OSBP2: variants seen among roughly 807,000 people sequenced by gnomAD.
OSBP2 encodes oxysterol binding protein 2.
Under a neutral mutation model 96.0 loss-of-function variants are expected in OSBP2, and 66 were observed. That is an observed-to-expected ratio of 0.69 (90% CI 0.56 to 0.84). The LOEUF (loss-of-function observed/expected upper bound fraction) is 0.84. OSBP2 is among the 40% of genes least tolerant of loss of function. The pLI, the probability that OSBP2 is intolerant of heterozygous loss-of-function variation, is 0.00. For missense variants in OSBP2, 1,038 were observed against 1,222.7 expected, an observed-to-expected ratio of 0.85 and a Z score of 2.25; for synonymous variants, 525 against 520.9, an observed-to-expected ratio of 1.01 and a Z score of -0.11.
At chr22:30,800,589 T>C (rs969255956) in intron 2 of OSBP2, among the ~76,000 whole-genome samples, 1 of 152,004 alleles carries the variant, frequency 6.6e-6, no homozygotes, top group Non-Finnish European at 1.5e-5. Flanking sequence ...TCAGCAGCAA[T>C]GGAAGTCACA....
intron 2 of OSBP2, among the ~76,000 whole-genome samples, chr22:30,826,174 G>A (rs1246810392): frequency 6.6e-6 from 1 of 152,260 alleles, no homozygotes; most frequent in South Asian, 2.1e-4. Context: ...ATTGATGGAG[G>A]ACACGGGGTC....
Position 30,906,258 on chromosome 22 carries a change from G to A in OSBP2, c.2670G>A (p.Gly890=), listed in dbSNP as rs1235649796. The change falls in exon 14 of 14, where the codon GGG becomes GGA. Residue 890 remains glycine (G), a synonymous_variant. Transcript: ENST00000332585. ...AGAAGAGGCTGGATCCGCTGACCGG[G>A]GAGATGGCCTGTGTGTACAAGGGCG... ...WFEKRLDPLT[G]EMACVYKGGY... is the part of the protein sequence containing the mutation. 1.2e-6 allele frequency: 2 copies of A among 1,614,186 alleles called. No homozygotes were observed. Among genetic ancestry groups the A allele is most frequent in the South Asian group, 1.1e-5 (1 of 91,090 alleles).
At position 30,695,309 on chromosome 22, in the gene OSBP2, G is replaced by T; in HGVS notation, c.400G>T (p.Ala134Ser). Residue 134 changes from alanine (A) to serine (S), a missense_variant, in exon 1 of 14, where the codon GCG becomes TCG. Ala to Ser is a moderately conservative substitution (Grantham distance 99). This residue lies in a region of OSBP2 where 281 missense variants were observed against 273.4 expected (regional missense o/e 1.03). Transcript: ENST00000332585. ...SEPLSRAVGS[A>S]TFLRPESGSL... ...GCCGCTCTCCCGGGCGGTGGGGAGCGCGACCTTTCTCAGACCCGAGTCAGG... is the reference window on the plus strand; with the variant it reads ...GCCGCTCTCCCGGGCGGTGGGGAGCTCGACCTTTCTCAGACCCGAGTCAGG... The T allele has an allele frequency of 1.2e-6, 2 of 1,613,434 alleles. No homozygotes were observed. Among genetic ancestry groups the T allele is most frequent in the South Asian group, 2.2e-5 (2 of 91,084 alleles).
chr22:30,761,106 G>A (rs2090199828), intron 2 of OSBP2, among the ~76,000 whole-genome samples: 1 of 152,070 alleles, frequency 6.6e-6, no homozygotes, highest in Admixed American at 6.6e-5. Context: ...CCTAATACTA[G>A]CCAGTATTAT....
intron 4 of OSBP2, 41 bp from the exon 5 acceptor site, chr22:30,888,182 T>C: frequency 7.3e-7 from 1 of 1,369,162 alleles, no homozygotes; most frequent in Admixed American, 1.7e-5. Context: ...AGATTGAGCC[T>C]TTTGTGAGGT....
chr22:30,808,953 CA>C (rs1033761542), intron 2 of OSBP2, among the ~76,000 whole-genome samples: 22 of 145,262 alleles, frequency 1.5e-4, no homozygotes, highest in South Asian at 4.3e-4. Flanking sequence ...GACTCCGTCT[CA>C]AAAAAAAAAA....
chr22:30,764,459 C>T (rs984769250), intron 2 of OSBP2: 13 of 933,804 alleles, frequency 1.4e-5, no homozygotes, highest in South Asian at 4.9e-5. Flanking sequence ...AAATAAATTC[C>T]CAGGGAGTGT....
intron 2 of OSBP2, among the ~76,000 whole-genome samples, chr22:30,767,545 CTTT>C (rs695843): frequency 7.5e-5 from 11 of 146,366 alleles, no homozygotes; most frequent in Admixed American, 2.7e-4. Context: ...ATCAGAATTC[CTTT>C]TTTTTTTTTT....
At chr22:30,709,832 C>T (rs934220942) in intron 1 of OSBP2, among the ~76,000 whole-genome samples, 4 of 151,956 alleles carry the variant, frequency 2.6e-5, no homozygotes, top group Non-Finnish European at 4.4e-5. Context: ...CCACCTCGCC[C>T]AGCCCAGATT....
chr22:30,900,105 G>T (rs537275082), intron 12 of OSBP2, among the ~76,000 whole-genome samples: 1 of 151,812 alleles, frequency 6.6e-6, no homozygotes. Flanking sequence ...CTAAAAATAC[G>T]ACATTAGGCG....
At chr22:30,704,986 G>A (rs2089229656) in intron 1 of OSBP2, among the ~76,000 whole-genome samples, 1 of 152,228 alleles carries the variant, frequency 6.6e-6, no homozygotes, top group Non-Finnish European at 1.5e-5. Context: ...ATCAGTCAGA[G>A]TAAGGGCTGG....
chr22:30,817,746 T>G (rs2091098839), intron 2 of OSBP2, among the ~76,000 whole-genome samples: 1 of 152,088 alleles, frequency 6.6e-6, no homozygotes, highest in African/African-American at 2.4e-5. Flanking sequence ...CTGAGACTAG[T>G]GAGAAAAGGC....
rs116607991 is a variant in OSBP2 at position 30,820,408 on chromosome 22, T to A, written c.854-50021T>A. Among the ~76,000 whole-genome samples, 1,455 of 151,936 alleles carry A rather than the reference T, an allele frequency of 9.6e-3. 17 individuals carry two copies. The highest frequency in any genetic ancestry group is 0.03 in the African/African-American group (1,249 of 41,412). ...CATCTCTAAAAAAAAAATAAAATTT[T>A]AAAAATAAAATTAAAAACAAACCAA... On this transcript the variant is annotated intron_variant, in intron 2 of 13. Coordinates refer to ENST00000332585, the MANE Select transcript of OSBP2 (RefSeq NM_030758.4).
rs770974433 is a variant in OSBP2, at chr22:30,695,020, G to T, written c.111G>T (p.Pro37=). The change falls in exon 1 of 14, where the codon CCG becomes CCT. Residue 37 remains proline (P), a synonymous_variant. Transcript: ENST00000332585. ...VPCLSCHTAA[P]GMSASTSGSG... ...GCCTGTCGTGCCACACGGCGGCGCC[G>T]GGCATGAGCGCTTCCACGTCCGGCT... The T allele has an allele frequency of 1.3e-6, 2 of 1,584,874 alleles. No individual in the cohort carries two copies. Among genetic ancestry groups the T allele is most frequent in the East Asian group, 4.6e-5 (2 of 43,460 alleles).
chr22:30,825,153 T>C (rs1260406478), intron 2 of OSBP2, among the ~76,000 whole-genome samples: 1 of 152,184 alleles, frequency 6.6e-6, no homozygotes, highest in Non-Finnish European at 1.5e-5. Flanking sequence ...ACTTCTTACC[T>C]TTTTGATCCT....
At chr22:30,770,063 A>G (rs117699361) in intron 2 of OSBP2, among the ~76,000 whole-genome samples, 2,084 of 149,788 alleles carry the variant, frequency 0.014, 28 homozygotes, top group Non-Finnish European at 0.018. Context: ...GCCATGTACG[A>G]TGTGAATTTG....
intron 1 of OSBP2, among the ~76,000 whole-genome samples, chr22:30,711,568 C>T (rs1277019335): frequency 6.6e-6 from 1 of 151,740 alleles, no homozygotes; most frequent in African/African-American, 2.4e-5. Context: ...GGCAAAACCC[C>T]ATGTCTACAA....
chr22:30,733,593 G>T (rs183638560), intron 1 of OSBP2, among the ~76,000 whole-genome samples: 62 of 152,276 alleles, frequency 4.1e-4, no homozygotes, highest in Admixed American at 9.2e-4. Context: ...ATGCAGGGGC[G>T]ACTTGGCTTA....
intron 12 of OSBP2, chr22:30,894,354 A>G (rs903557092): frequency 8.7e-6 from 2 of 228,828 alleles, no homozygotes; most frequent in Non-Finnish European, 1.7e-5. Context: ...CAAAGGGAAA[A>G]AAAAATGACT....
Sources: allele counts gnomAD v4.1 joint callset (sites outside exome capture counted in the v4.1 genomes callset), GRCh38; gene constraint gnomAD v4.1.1; regional missense constraint gnomAD v4.1.1; transcripts MANE v1.5; gene names NCBI Gene and HGNC (gene_info 2026-07-23, HGNC 2026-07-21).